The following PI4KA variants were observed in gnomAD, a reference collection of about 807,000 sequenced individuals.
PI4KA encodes phosphatidylinositol 4-kinase alpha.
A neutral mutation model predicts 271.4 loss-of-function variants in PI4KA; 122 were observed. The ratio of observed to expected loss-of-function variants is 0.45; its 90% CI spans 0.39 to 0.52. PI4KA has a LOEUF of 0.52. PI4KA is among the 20% of genes least tolerant of loss of function. The pLI is 0.00. For synonymous variants in PI4KA, 1,041 were observed against 1,078.8 expected (o/e 0.96, Z 0.69); for missense variants, 1,969 against 2,769.1 (o/e 0.71, Z 6.48).
At chr22:20,804,442 G>C (rs1421005111) in intron 11 of PI4KA, 42 bp from the exon 12 acceptor site, 4 of 1,346,056 alleles carry the variant, frequency 3.0e-6, no homozygotes, top group Non-Finnish European at 4.3e-6. Context: ...ATCAGCACAG[G>C]CCAGTCTTTC....
At chr22:20,767,779 C>A (rs1462846572) in intron 19 of PI4KA, among the ~76,000 whole-genome samples, 4 of 151,868 alleles carry the variant, frequency 2.6e-5, no homozygotes, top group Admixed American at 2.0e-4. Context: ...GGACTACGGG[C>A]ATGCACCACT....
Position 20,793,312 on chromosome 22 carries a change from A to G in PI4KA, c.2278-69T>C, listed in dbSNP as rs576793772. The G allele has an allele frequency of 5.0e-5, 43 of 865,220 alleles. 1 individual carries two copies. In the African/African-American group the frequency reaches 5.9e-4, roughly 12 times the overall value. 53.6% of individuals were successfully genotyped at this position (865,220 alleles called of 1,614,324 possible). On this transcript the variant is annotated intron_variant, in intron 18 of 54. Transcript: ENST00000255882. ...TTTTATTAAAAAAAAAAAACACAAG[A>G]TACAACATAGTGTTATGTAAACCTG...
chr22:20,754,951 C>G (rs1931118165), intron 23 of PI4KA, among the ~76,000 whole-genome samples: 1 of 151,968 alleles, frequency 6.6e-6, no homozygotes, highest in Non-Finnish European at 1.5e-5. Context: ...CCATCTCAAA[C>G]AAAACAAAAA....
At chr22:20,833,657 G>GTTTTTTTTTTTTT (rs361962) in intron 3 of PI4KA, among the ~76,000 whole-genome samples, 1 of 73,080 alleles carries the variant, frequency 1.4e-5, no homozygotes, top group African/African-American at 5.6e-5. Context: ...GTTTGTTTTT[G>GTTTTTTTTTTTTT]TTTTTTTTTT....
At chr22:20,727,060 T>G (rs1927441269) in intron 41 of PI4KA, among the ~76,000 whole-genome samples, 170 bp downstream of exon 41, 1 of 152,090 alleles carries the variant, frequency 6.6e-6, no homozygotes, top group South Asian at 2.1e-4. Flanking sequence ...GAGAACACAT[T>G]TGAATTAGAA....
Position 20,799,377 on chromosome 22 carries a change from G to A in PI4KA, c.1821-101C>T, listed in dbSNP as rs558729037. The stretch of plus-strand genomic sequence containing the variant: ...CGATCTAGACCTTAATTTCATAACA[G>A]TCTTGATGCAGTGTTCATCTGAAAC... On this transcript the variant is annotated intron_variant, in intron 15 of 54. Transcript: ENST00000255882. The A allele has an allele frequency of 3.9e-5, 44 of 1,122,078 alleles. No homozygotes were observed. The African/African-American group carries it at 6.7e-4, about 17-fold the overall frequency. The allele number at this position is 1,122,078 out of a possible 1,614,324, so 69.5% of individuals were successfully genotyped here. A position where few individuals can be genotyped will look rare whatever the true frequency, so the allele number is the denominator to read the frequency against.
intron 9 of PI4KA, among the ~76,000 whole-genome samples, chr22:20,808,071 A>C (rs1410375586): frequency 6.6e-6 from 1 of 151,834 alleles, no homozygotes; most frequent in African/African-American, 2.4e-5. Flanking sequence ...AGGGTGGATC[A>C]CCTGAGGTCG....
chr22:20,773,373 G>A (rs1416899102), intron 19 of PI4KA, among the ~76,000 whole-genome samples: 3 of 152,106 alleles, frequency 2.0e-5, no homozygotes, highest in African/African-American at 4.8e-5. Flanking sequence ...GCAGCAGCGC[G>A]AAACTCTGTC....
At chr22:20,772,314 CAG>C (rs1455011674) in intron 19 of PI4KA, among the ~76,000 whole-genome samples, 1 of 152,142 alleles carries the variant, frequency 6.6e-6, no homozygotes, top group Non-Finnish European at 1.5e-5. Flanking sequence ...GTGTCCTGGG[CAG>C]AAAGAATAGC....
chr22:20,848,491 T>C (rs1396788303), intron 1 of PI4KA, among the ~76,000 whole-genome samples: 1 of 152,144 alleles, frequency 6.6e-6, no homozygotes, highest in East Asian at 1.9e-4. Flanking sequence ...GACAGTATAC[T>C]AGCCAACATC....
chr22:20,765,670 G>A lies in PI4KA; in HGVS notation c.2352C>T (p.Ile784=). The change falls in exon 20 of 55, where the codon ATC becomes ATT. Residue 784 remains isoleucine (I), a synonymous_variant. Transcript: ENST00000255882. ...IAVLTRRLPP[I]KEAKPRLQKL... ...TCTGTAACCGAGGCTTAGCTTCTTT[G>A]ATGGGTGGCAGTCGTCGGGTGAGCT... 6.2e-7 allele frequency: 1 copy of A among 1,611,150 alleles called. No homozygotes were observed. Among genetic ancestry groups the A allele is most frequent in the Non-Finnish European group, 8.5e-7 (1 of 1,177,536 alleles).
intron 19 of PI4KA, among the ~76,000 whole-genome samples, chr22:20,770,583 C>G (rs1326306606): frequency 3.5e-4 from 4 of 11,522 alleles, no homozygotes; most frequent in African/African-American, 4.3e-4. Flanking sequence ...GACACGGACA[C>G]ACACACACAC....
At chr22:20,805,414 T>C (rs1354088449) in intron 10 of PI4KA, among the ~76,000 whole-genome samples, 1 of 152,218 alleles carries the variant, frequency 6.6e-6, no homozygotes, top group Non-Finnish European at 1.5e-5. Context: ...CAGCCATGCT[T>C]TGTTTTAAGC....
At chr22:20,744,923 A>G (rs1425341594) in intron 29 of PI4KA, among the ~76,000 whole-genome samples, 2 of 152,224 alleles carry the variant, frequency 1.3e-5, no homozygotes, top group African/African-American at 4.8e-5. Context: ...AAATTAAAAA[A>G]AAAAGTCTCT....
intron 23 of PI4KA, among the ~76,000 whole-genome samples, chr22:20,759,324 G>C (rs557132120): frequency 6.6e-6 from 1 of 151,910 alleles, no homozygotes; most frequent in Non-Finnish European, 1.5e-5. Context: ...GATTACAGGC[G>C]TAAGCCACTG....
intron 17 of PI4KA, among the ~76,000 whole-genome samples, chr22:20,796,700 C>T (rs1174765588): frequency 6.6e-6 from 1 of 152,252 alleles, no homozygotes; most frequent in Admixed American, 6.5e-5. Context: ...CTACAAATCA[C>T]AAAGAGCCTT....
At chr22:20,716,241 G>A (rs1284757403) in intron 45 of PI4KA, among the ~76,000 whole-genome samples, 3 of 152,088 alleles carry the variant, frequency 2.0e-5, no homozygotes, top group Non-Finnish European at 2.9e-5. Flanking sequence ...TGGTAGAGAC[G>A]GGGTTTCACC....
Position 20,803,289 on chromosome 22 carries a change from A to C in PI4KA, c.1493T>G (p.Val498Gly), listed in dbSNP as rs1935442725. 1 of 1,614,036 alleles carries C rather than the reference A, an allele frequency of 6.2e-7. No individual in the cohort carries two copies. Among genetic ancestry groups the C allele is most frequent in the Non-Finnish European group, 8.5e-7 (1 of 1,179,998 alleles). The part of the protein sequence containing the change: ...GLGRLCERFP[V>G]VVHSVTPSLR... ...GGACGGTGTCACAGAGTGCACCACC[A>C]CCGGGAACCTCTCGCACAGGCGGCC... Residue 498 changes from valine to glycine, a missense_variant, in exon 13 of 55, where the codon GTG becomes GGG. By Grantham distance (109) the Val-to-Gly change is moderately radical. Coordinates refer to ENST00000255882, the MANE Select transcript of PI4KA (RefSeq NM_058004.4).
chr22:20,824,474 G>T, intron 3 of PI4KA, 60 bp from the exon 4 acceptor site: 1 of 1,209,174 alleles, frequency 8.3e-7, no homozygotes, highest in Non-Finnish European at 1.2e-6. Flanking sequence ...TCACACCTCT[G>T]GCCATCCAAT....
Sources: gnomAD v4.1 joint callset for allele counts (sites outside exome capture counted in the v4.1 genomes callset) on GRCh38, gnomAD v4.1.1 for gene constraint, MANE v1.5 for transcripts, NCBI Gene and HGNC (gene_info 2026-07-23, HGNC 2026-07-21) for gene names.